DCC: variants seen among roughly 807,000 people sequenced by gnomAD.
DCC encodes the protein DCC netrin 1 receptor.
In DCC, 58 loss-of-function variants were observed where a neutral mutation model predicts 172.5. The ratio of observed to expected loss-of-function variants is 0.34; its 90% CI spans 0.27 to 0.42. The LOEUF (loss-of-function observed/expected upper bound fraction) is 0.42, where lower values mean the gene tolerates loss of function less well. DCC is among the 10% of genes least tolerant of loss of function. The pLI is 1.00. For missense variants in DCC, 1,740 were observed against 1,791.0 expected (o/e 0.97, Z 0.51); for synonymous variants, 709 against 644.5 (o/e 1.10, Z -1.52).
intron 1 of DCC, among the ~76,000 whole-genome samples, chr18:52,601,548 T>A (rs77029748): frequency 0.02 from 3,009 of 152,162 alleles, 102 homozygotes; most frequent in East Asian, 0.091. Flanking sequence ...TTATCTTTTT[T>A]CTTCCTCCTA....
intron 5 of DCC, among the ~76,000 whole-genome samples, chr18:53,035,050 A>G (rs993519494): frequency 2.6e-5 from 4 of 152,038 alleles, no homozygotes; most frequent in Non-Finnish European, 4.4e-5. Context: ...ATTTATTGAT[A>G]TATAATAGTT....
chr18:53,292,979 C>A (rs980072436), intron 12 of DCC, among the ~76,000 whole-genome samples: 1 of 152,150 alleles, frequency 6.6e-6, no homozygotes, highest in African/African-American at 2.4e-5. Flanking sequence ...CCATACTACT[C>A]CTACTGCAAA....
At chr18:52,739,134 T>C (rs1164442121) in intron 1 of DCC, among the ~76,000 whole-genome samples, 2 of 152,082 alleles carry the variant, frequency 1.3e-5, no homozygotes, top group African/African-American at 4.8e-5. Context: ...CACTAGGCAA[T>C]AGGAATTTTT....
At chr18:52,938,383 G>A (rs2040412290) in intron 5 of DCC, among the ~76,000 whole-genome samples, 1 of 152,128 alleles carries the variant, frequency 6.6e-6, no homozygotes. Context: ...GTCTGGTAGT[G>A]GCAATAAGCT....
At chr18:52,924,440 G>GCT (rs1479773413) in intron 4 of DCC, among the ~76,000 whole-genome samples, 1 of 151,874 alleles carries the variant, frequency 6.6e-6, no homozygotes, top group African/African-American at 2.4e-5. Flanking sequence ...CAACTATATC[G>GCT]CTCATATTCC....
At chr18:52,728,308 T>TA (rs2036585030) in intron 1 of DCC, among the ~76,000 whole-genome samples, 1 of 152,190 alleles carries the variant, frequency 6.6e-6, no homozygotes, top group African/African-American at 2.4e-5. Flanking sequence ...GCTTTAGAAA[T>TA]AAAGTTCTTT....
intron 5 of DCC, among the ~76,000 whole-genome samples, chr18:53,061,848 T>A (rs1281534076): frequency 6.6e-6 from 1 of 152,078 alleles, no homozygotes; most frequent in Non-Finnish European, 1.5e-5. Context: ...TATAAAGGGC[T>A]TAGGATAATA....
At chr18:52,402,105 C>A (rs1986462391) in intron 1 of DCC, among the ~76,000 whole-genome samples, 1 of 151,950 alleles carries the variant, frequency 6.6e-6, no homozygotes, top group Non-Finnish European at 1.5e-5. Context: ...ATGGACATAT[C>A]TAACTGATTG....
chr18:53,213,758 T>G (rs1340930588), intron 11 of DCC, among the ~76,000 whole-genome samples: 1 of 150,660 alleles, frequency 6.6e-6, no homozygotes, highest in Non-Finnish European at 1.5e-5. Context: ...GTTTGTGAAA[T>G]TATATGATAT....
chr18:52,363,898 T>A (rs1020657319), intron 1 of DCC, among the ~76,000 whole-genome samples: 1 of 152,198 alleles, frequency 6.6e-6, no homozygotes, highest in African/African-American at 2.4e-5. Context: ...GAGGGCCAGA[T>A]GTACTCTCAC....
intron 1 of DCC, among the ~76,000 whole-genome samples, chr18:52,514,313 C>T (rs916324366): frequency 1.3e-5 from 2 of 152,116 alleles, no homozygotes; most frequent in Admixed American, 6.6e-5. Flanking sequence ...GCTGCTTAGA[C>T]ATGGTTTTTT....
chr18:52,877,776 A>T (rs1218401731), intron 2 of DCC, among the ~76,000 whole-genome samples: 2 of 149,874 alleles, frequency 1.3e-5, no homozygotes, highest in African/African-American at 4.9e-5. Flanking sequence ...ATGTAATGGG[A>T]GTTTCTAAGT....
intron 1 of DCC, among the ~76,000 whole-genome samples, chr18:52,641,712 A>T (rs1298075856): frequency 6.6e-6 from 1 of 152,078 alleles, no homozygotes; most frequent in Non-Finnish European, 1.5e-5. Flanking sequence ...AAATAAAAAA[A>T]ACAGTAGATG....
intron 1 of DCC, among the ~76,000 whole-genome samples, chr18:52,557,819 C>A (rs1450436700): frequency 1.3e-5 from 2 of 152,166 alleles, no homozygotes; most frequent in Non-Finnish European, 1.5e-5. Context: ...ACCACCATGC[C>A]TGGCTAATTT....
At chr18:52,541,895 A>ATG (rs1251027551) in intron 1 of DCC, among the ~76,000 whole-genome samples, 2 of 122,612 alleles carry the variant, frequency 1.6e-5, no homozygotes, top group African/African-American at 5.7e-5. Flanking sequence ...ATATATATAT[A>ATG]TGTGTATATA....
chr18:53,189,990 G>C (rs917856179), intron 9 of DCC, among the ~76,000 whole-genome samples: 2 of 152,162 alleles, frequency 1.3e-5, no homozygotes, highest in African/African-American at 4.8e-5. Flanking sequence ...GCAATGGCAC[G>C]ATCCTGGCTT....
At chr18:53,160,681 A>T (rs560483300) in intron 8 of DCC, among the ~76,000 whole-genome samples, 8 of 152,244 alleles carry the variant, frequency 5.3e-5, no homozygotes, top group East Asian at 1.9e-4. Flanking sequence ...TACTACATTT[A>T]TCAGGCAGTC....
intron 2 of DCC, among the ~76,000 whole-genome samples, chr18:52,838,830 G>T (rs563750688): frequency 6.6e-6 from 1 of 152,166 alleles, no homozygotes; most frequent in African/African-American, 2.4e-5. Flanking sequence ...AACTAAAATA[G>T]TTTACCAACA....
intron 12 of DCC, among the ~76,000 whole-genome samples, chr18:53,217,773 T>C (rs556154345): frequency 2.6e-4 from 40 of 152,280 alleles, no homozygotes; most frequent in Non-Finnish European, 5.0e-4. Flanking sequence ...GCAAACTGTA[T>C]TTAAAAAGAA....
Sources: gnomAD v4.1 joint callset for allele counts (sites outside exome capture counted in the v4.1 genomes callset) on GRCh38, gnomAD v4.1.1 for gene constraint, MANE v1.5 for transcripts, NCBI Gene and HGNC (gene_info 2026-07-23, HGNC 2026-07-21) for gene names.